Variants in CPS1 observed in about 807,000 individuals in gnomAD.
CPS1 encodes carbamoyl-phosphate synthase [ammonia], mitochondrial.
A neutral mutation model predicts 174.6 loss-of-function variants in CPS1; 109 were observed. The ratio of observed to expected loss-of-function variants is 0.62; its 90% confidence interval spans 0.53 to 0.73. The LOEUF (loss-of-function observed/expected upper bound fraction) is 0.73, where lower values mean the gene tolerates loss of function less well. Among genes scored for constraint, CPS1 ranks in the 30% least tolerant of loss-of-function variants. The pLI, the probability that CPS1 is intolerant of heterozygous loss-of-function variation, is 0.00. For synonymous variants in CPS1, 637 were observed against 632.0 expected (o/e 1.01, Z -0.12); for missense variants, 1,689 against 1,821.9 (o/e 0.93, Z 1.33).
At chr2:210,674,566 C>G (rs982562323) in intron 34 of CPS1, 3 of 290,976 alleles carry the variant, frequency 1.0e-5, no homozygotes, top group African/African-American at 6.5e-5. Flanking sequence ...ACCCGCATAT[C>G]TTTTAAGTCC....
intron 1 of CPS1, among the ~76,000 whole-genome samples, chr2:210,509,394 G>A (rs1004674598): frequency 1.3e-5 from 2 of 152,136 alleles, no homozygotes; most frequent in Non-Finnish European, 2.9e-5. Flanking sequence ...AATAATAAGA[G>A]CTATCTATGA....
At chr2:210,586,321 C>T (rs1698106289) in intron 6 of CPS1, among the ~76,000 whole-genome samples, 1 of 151,944 alleles carries the variant, frequency 6.6e-6, no homozygotes, top group Non-Finnish European at 1.5e-5. Flanking sequence ...ATGGTGTTTG[C>T]AATACTCACT....
chr2:210,569,593 A>G (rs1306914939), intron 1 of CPS1, among the ~76,000 whole-genome samples: 1 of 152,068 alleles, frequency 6.6e-6, no homozygotes, highest in Admixed American at 6.6e-5. Context: ...CTTTTACTAA[A>G]CGAGAAGACT....
At chr2:210,545,912 G>T (rs1696552938) in intron 1 of CPS1, among the ~76,000 whole-genome samples, 1 of 152,024 alleles carries the variant, frequency 6.6e-6, no homozygotes, top group Non-Finnish European at 1.5e-5. Context: ...TTTTTATTTT[G>T]TGAAGTGCAT....
intron 24 of CPS1, 72 bp downstream of exon 24, chr2:210,640,131 A>T: frequency 2.0e-6 from 2 of 991,532 alleles, no homozygotes; most frequent in South Asian, 2.7e-5. Flanking sequence ...TGTTAATTCC[A>T]TTATTCCAAG....
chr2:210,496,152 A>C (rs1694986551), intron 1 of CPS1, among the ~76,000 whole-genome samples: 2 of 151,682 alleles, frequency 1.3e-5, no homozygotes, highest in Non-Finnish European at 1.5e-5. Context: ...TCCACCTAGC[A>C]GGGGCACTAG....
At chr2:210,660,808 A>G (rs192514883) in intron 32 of CPS1, among the ~76,000 whole-genome samples, 153 bp downstream of exon 32, 1 of 152,332 alleles carries the variant, frequency 6.6e-6, no homozygotes, top group Non-Finnish European at 1.5e-5. Context: ...CTGCAGTTGT[A>G]CTATAGGCAA....
At chr2:210,635,678 ATACT>A (rs1399643393) in intron 21 of CPS1, among the ~76,000 whole-genome samples, 1 of 152,238 alleles carries the variant, frequency 6.6e-6, no homozygotes, top group Non-Finnish European at 1.5e-5. Context: ...GTCAGCAATA[ATACT>A]TAATATTGGA....
chr2:210,644,663 C>T (rs1700322392), intron 25 of CPS1, among the ~76,000 whole-genome samples: 1 of 152,098 alleles, frequency 6.6e-6, no homozygotes, highest in African/African-American at 2.4e-5. Context: ...ACATTCTTTC[C>T]ATAATACATC....
At chr2:210,557,445 G>C (rs1232921716) in intron 1 of CPS1, among the ~76,000 whole-genome samples, 1 of 151,896 alleles carries the variant, frequency 6.6e-6, no homozygotes, top group South Asian at 2.1e-4. Context: ...GTAATACATA[G>C]AGGCAGATAG....
In CPS1 at chr2:210,551,005, T is replaced by C. The variant is rs185583249; in HGVS notation, c.4-5714T>C. Among the ~76,000 whole-genome samples the C allele has an allele frequency of 2.7e-3, 407 of 152,050 alleles. 1 individual carries two copies. Among genetic ancestry groups the C allele is most frequent in the African/African-American group, 9.4e-3 (391 of 41,546 alleles). On this transcript the variant is annotated intron_variant, in intron 1 of 38. Coordinates refer to the CPS1 transcript ENST00000430249. ...ATTCCACTCTAAGTTCTGCTTTCTATATTGGGATTTTTAAATTACAGCTTA... is the reference window on the plus strand; with the variant it reads ...ATTCCACTCTAAGTTCTGCTTTCTACATTGGGATTTTTAAATTACAGCTTA...
intron 23 of CPS1, 119 bp downstream of exon 23, chr2:210,639,334 C>T (rs543867534): frequency 6.3e-5 from 53 of 838,782 alleles, no homozygotes; most frequent in African/African-American, 5.9e-4. Context: ...GCATCATGGC[C>T]GGGCGCGGTG....
At chr2:210,659,337 G>C (rs1012902616) in intron 31 of CPS1, among the ~76,000 whole-genome samples, 2 of 152,136 alleles carry the variant, frequency 1.3e-5, no homozygotes, top group Admixed American at 6.5e-5. Context: ...ATCAGATGGT[G>C]AGAGAGAAAG....
chr2:210,650,939 T>C (rs1163227132), intron 28 of CPS1, among the ~76,000 whole-genome samples: 1 of 152,216 alleles, frequency 6.6e-6, no homozygotes, highest in Non-Finnish European at 1.5e-5. Context: ...TTTTTTCCTG[T>C]TGGCACATTC....
intron 1 of CPS1, among the ~76,000 whole-genome samples, chr2:210,502,955 G>A (rs1458882428): frequency 2.0e-5 from 3 of 152,112 alleles, no homozygotes; most frequent in Admixed American, 2.0e-4. Context: ...CCTTGTCATA[G>A]ACATTCTGAT....
chr2:210,495,974 C>G (rs1366699076), intron 1 of CPS1, among the ~76,000 whole-genome samples: 2 of 151,550 alleles, frequency 1.3e-5, no homozygotes, highest in Non-Finnish European at 2.9e-5. Flanking sequence ...TTACCTTCCT[C>G]CCCTCTTTCC....
chr2:210,540,907 G>A (rs1223242165), intron 1 of CPS1, among the ~76,000 whole-genome samples: 7 of 152,156 alleles, frequency 4.6e-5, no homozygotes, highest in Middle Eastern at 3.4e-3. Context: ...ACGATATCAC[G>A]AAATGGAAAA....
intron 33 of CPS1, among the ~76,000 whole-genome samples, chr2:210,667,262 G>A (rs1418453001): frequency 3.9e-5 from 6 of 152,168 alleles, no homozygotes; most frequent in Non-Finnish European, 5.9e-5. Flanking sequence ...ATACAATCAT[G>A]TCGTCTGCAA....
Position 210,637,940 on chromosome 2 carries a change from A to G in CPS1, c.2829+97A>G. On this transcript the variant is annotated intron_variant, in intron 22 of 37. Coordinates refer to ENST00000233072, the MANE Select transcript of CPS1 (RefSeq NM_001875.5). ...AAAGGCCATTGTTAATAAAAAGAGG[A>G]GTGGAATTAAGAAGTGACAATACTC... 2.9e-6 allele frequency: 4 copies of G among 1,363,508 alleles called. No homozygotes were observed. The Admixed American group carries it at 6.8e-5, about 23-fold the overall frequency. 84.5% of individuals were successfully genotyped at this position (1,363,508 alleles called of 1,614,324 possible).
Sources: allele counts gnomAD v4.1 joint callset (sites outside exome capture counted in the v4.1 genomes callset), GRCh38; gene constraint gnomAD v4.1.1; transcripts MANE v1.5; gene names NCBI Gene and HGNC (gene_info 2026-07-23, HGNC 2026-07-21).